Variants in VEZT observed in about 807,000 individuals in gnomAD.
VEZT encodes vezatin.
In VEZT, 39 loss-of-function variants were observed where a neutral mutation model predicts 79.9. The ratio of observed to expected loss-of-function variants is 0.49; its 90% CI spans 0.38 to 0.64. The LOEUF (loss-of-function observed/expected upper bound fraction) is 0.64. Ranked by LOEUF, VEZT falls within the 30% of genes least tolerant of loss-of-function variation. The pLI, the probability that VEZT is intolerant of heterozygous loss-of-function variation, is 0.00. For missense variants in VEZT, 837 were observed against 893.1 expected, an observed-to-expected ratio of 0.94 and a Z score of 0.80; for synonymous variants, 325 against 327.6, an observed-to-expected ratio of 0.99 and a Z score of 0.09.
At chr12:95,229,760 G>A (rs1740150492) in intron 1 of VEZT, among the ~76,000 whole-genome samples, 2 of 152,108 alleles carry the variant, frequency 1.3e-5, no homozygotes, top group African/African-American at 4.8e-5. Context: ...AAGGCCCAAA[G>A]CTCAGTGTAC....
chr12:95,260,030 T>C (rs2064117904), intron 3 of VEZT, among the ~76,000 whole-genome samples: 1 of 152,072 alleles, frequency 6.6e-6, no homozygotes, highest in African/African-American at 2.4e-5. Context: ...GTTTTAGTTA[T>C]TTGGAGTGTC....
At chr12:95,298,110 A>C (rs2074544017) in intron 11 of VEZT, among the ~76,000 whole-genome samples, 1 of 150,812 alleles carries the variant, frequency 6.6e-6, no homozygotes. Context: ...ACAGAGTGAG[A>C]CTCTCTCTCA....
intron 2 of VEZT, among the ~76,000 whole-genome samples, chr12:95,256,138 G>A (rs1277303923): frequency 6.6e-6 from 1 of 151,636 alleles, no homozygotes; most frequent in Non-Finnish European, 1.5e-5. Flanking sequence ...CACAACCTCT[G>A]CCTCCCGGGT....
At chr12:95,261,213 CATT>C (rs1275277791) in intron 3 of VEZT, among the ~76,000 whole-genome samples, 2 of 152,084 alleles carry the variant, frequency 1.3e-5, no homozygotes, top group African/African-American at 4.8e-5. Context: ...CTGAAGTCCT[CATT>C]ATGATCAGCG....
At chr12:95,223,088 T>C (rs2057869858) in intron 1 of VEZT, among the ~76,000 whole-genome samples, 1 of 152,202 alleles carries the variant, frequency 6.6e-6, no homozygotes, top group African/African-American at 2.4e-5. Flanking sequence ...AGGTCAGCTA[T>C]TTATTAGTTA....
In VEZT at chr12:95,301,728, T is replaced by C. The variant is rs937916430; in HGVS notation, c.*1055T>C. On this transcript the variant is annotated 3_prime_UTR_variant, in exon 12 of 12. Coordinates refer to ENST00000436874, the MANE Select transcript of VEZT (RefSeq NM_017599.4). ...AATAACATAGTTCTATAGACATTATTTGGGGGAAATGTAGTAATAACTCAA... is the reference window on the plus strand; with the variant it reads ...AATAACATAGTTCTATAGACATTATCTGGGGGAAATGTAGTAATAACTCAA... 1.3e-5 allele frequency: 2 copies of C among 152,198 alleles called. No individual in the cohort carries two copies. The highest frequency in any genetic ancestry group is 2.9e-5 in the Non-Finnish European group (2 of 68,026). 9.4% of individuals were successfully genotyped at this position (152,198 alleles called of 1,614,324 possible).
At chr12:95,232,997 G>A (rs2059483011) in intron 1 of VEZT, among the ~76,000 whole-genome samples, 1 of 151,986 alleles carries the variant, frequency 6.6e-6, no homozygotes, top group African/African-American at 2.4e-5. Context: ...GTGGAGACAG[G>A]GTTTTGCCAT....
At chr12:95,256,203 C>G (rs1252198279) in intron 2 of VEZT, among the ~76,000 whole-genome samples, 2 of 152,112 alleles carry the variant, frequency 1.3e-5, no homozygotes, top group Non-Finnish European at 2.9e-5. Flanking sequence ...AGGCATGCAC[C>G]ACTATGCCTG....
Position 95,300,296 on chromosome 12 carries a change from G to A in VEZT, c.1963G>A (p.Asp655Asn). 1 of 1,608,090 alleles carries A rather than the reference G, an allele frequency of 6.2e-7. No individual in the cohort carries two copies. Among genetic ancestry groups the A allele is most frequent in the Non-Finnish European group, 8.5e-7 (1 of 1,176,964 alleles). ...EEESNKSATT[D>N]NEISRTEYLC... ...GGAAAGTAATAAATCCGCCACAACA[G>A]ACAATGAAATAAGTAGGACTGAGTA... is the stretch of plus-strand genomic sequence containing the variant. The change falls in exon 12 of 12, where the codon GAC becomes AAC. Residue 655 changes from aspartate (D) to asparagine (N), a missense_variant. Physicochemically the swap from Asp to Asn is conservative, Grantham distance 23 (BLOSUM62 1). Coordinates refer to ENST00000436874, the MANE Select transcript of VEZT (RefSeq NM_017599.4).
At chr12:95,269,190 G>A (rs1485917852) in intron 5 of VEZT, among the ~76,000 whole-genome samples, 1 of 152,138 alleles carries the variant, frequency 6.6e-6, no homozygotes, top group African/African-American at 2.4e-5. Context: ...TTACTGGTTA[G>A]GTGAAAAAAT....
At chr12:95,276,290 G>T (rs2067745024) in intron 7 of VEZT, among the ~76,000 whole-genome samples, 1 of 99,086 alleles carries the variant, frequency 1.0e-5, no homozygotes. Context: ...TTTTGAGACA[G>T]AGTCTCACTC....
At chr12:95,238,595 T>C (rs1279924718) in intron 1 of VEZT, among the ~76,000 whole-genome samples, 1 of 152,222 alleles carries the variant, frequency 6.6e-6, no homozygotes, top group Non-Finnish European at 1.5e-5. Flanking sequence ...GCTACTTTCC[T>C]GACCTCCAGA....
intron 1 of VEZT, among the ~76,000 whole-genome samples, chr12:95,240,000 CAG>C (rs1224105304): frequency 1.1e-5 from 1 of 89,960 alleles, no homozygotes; most frequent in Non-Finnish European, 2.3e-5. Flanking sequence ...AGAGAGGAGA[CAG>C]AGAGAGAAAG....
intron 3 of VEZT, among the ~76,000 whole-genome samples, chr12:95,260,200 G>C (rs1309685337): frequency 6.7e-6 from 1 of 148,350 alleles, no homozygotes; most frequent in Non-Finnish European, 1.5e-5. Flanking sequence ...CTGCCTCCCA[G>C]GCTCAAGCAA....
At chr12:95,285,369 T>C (rs980104749) in intron 8 of VEZT, among the ~76,000 whole-genome samples, 1 of 150,642 alleles carries the variant, frequency 6.6e-6, no homozygotes, top group Non-Finnish European at 1.5e-5. Context: ...ACCTGACCCC[T>C]GGAGGTTGAG....
chr12:95,300,478 G>A lies in VEZT; in HGVS notation c.2145G>A (p.Arg715=), dbSNP rs764547825. The change falls in exon 12 of 12, where the codon AGG becomes AGA. Residue 715 remains arginine (R), a synonymous_variant. Coordinates refer to ENST00000436874, the MANE Select transcript of VEZT (RefSeq NM_017599.4). Reference sequence around the variant, plus strand: ...TGACCACTGCCCCTCCAACTCCCAGGGACTCATTACAGCCCTCCATTAAGC... The same window carrying A: ...TGACCACTGCCCCTCCAACTCCCAGAGACTCATTACAGCCCTCCATTAAGC... ...SGLTTAPPTP[R]DSLQPSIKQR... 3.1e-6 allele frequency: 5 copies of A among 1,613,828 alleles called. No individual in the cohort carries two copies. The highest frequency in any genetic ancestry group is 4.2e-6 in the Non-Finnish European group (5 of 1,179,856).
In VEZT at chr12:95,302,384, G is replaced by A. The variant is rs571986274; in HGVS notation, c.*1711G>A. ...CTCTAAGGTGATACCTTTTAATTTT[G>A]AAAGACTAAATAATTTTAATCGAGA... On this transcript the variant is annotated 3_prime_UTR_variant, in exon 12 of 12. Transcript: ENST00000436874. 4 of 152,082 alleles carry A rather than the reference G, an allele frequency of 2.6e-5. No homozygotes were observed. The highest frequency in any genetic ancestry group is 5.9e-5 in the Non-Finnish European group (4 of 67,972). 9.4% of individuals were successfully genotyped at this position (152,082 alleles called of 1,614,324 possible).
chr12:95,291,275 A>G (rs1004373203), intron 9 of VEZT, among the ~76,000 whole-genome samples: 6 of 152,164 alleles, frequency 3.9e-5, no homozygotes, highest in African/African-American at 1.4e-4. Context: ...GTGTCACATT[A>G]TTTTAAAACG....
At chr12:95,226,804 A>T (rs1388735175) in intron 1 of VEZT, among the ~76,000 whole-genome samples, 4 of 152,164 alleles carry the variant, frequency 2.6e-5, no homozygotes, top group Non-Finnish European at 4.4e-5. Flanking sequence ...CTAGAATCTG[A>T]TTACCCATTT....
Sources: gnomAD v4.1 joint callset for allele counts (sites outside exome capture counted in the v4.1 genomes callset) on GRCh38, gnomAD v4.1.1 for gene constraint, MANE v1.5 for transcripts, NCBI Gene and HGNC (gene_info 2026-07-23, HGNC 2026-07-21) for gene names.